The following SORCS3 variants were observed in gnomAD, a reference collection of about 807,000 sequenced individuals.
SORCS3 encodes the protein VPS10 domain-containing receptor SorCS3.
Under a neutral mutation model 146.3 loss-of-function variants are expected in SORCS3, and 57 were observed. The observed-to-expected ratio is 0.39, with a 90% CI of 0.31 to 0.49. SORCS3 has a LOEUF of 0.49. Among genes scored for constraint, SORCS3 ranks in the 20% least tolerant of loss-of-function variants. The probability of loss-of-function intolerance (pLI) is 0.92; values close to 1 mark genes in which losing one functional copy is unlikely to be tolerated. For synonymous variants in SORCS3, 653 were observed against 618.5 expected (o/e 1.06, Z -0.83); for missense variants, 1,341 against 1,575.5 (o/e 0.85, Z 2.52).
intron 4 of SORCS3, among the ~76,000 whole-genome samples, chr10:105,041,563 C>T (rs1290529861): frequency 1.3e-5 from 2 of 150,304 alleles, no homozygotes; most frequent in African/African-American, 2.5e-5. Context: ...CTCTACTAGA[C>T]AAAAATAGTT....
At chr10:105,161,156 A>G (rs1184835423) in intron 11 of SORCS3, among the ~76,000 whole-genome samples, 1 of 152,046 alleles carries the variant, frequency 6.6e-6, no homozygotes. Flanking sequence ...TCCCCTTGTA[A>G]TTCTTGAGGC....
At chr10:104,940,222 ATATATATATATATATATTTTTTTT>A (rs1393691712) in intron 3 of SORCS3, among the ~76,000 whole-genome samples, 2 of 17,022 alleles carry the variant, frequency 1.2e-4, no homozygotes, top group African/African-American at 3.0e-4. Context: ...ATATATATAT[ATATATATATATATATATTTTTTTT>A]TTTTTTTTTA....
intron 14 of SORCS3, among the ~76,000 whole-genome samples, chr10:105,186,688 G>A (rs1363095376): frequency 1.3e-5 from 2 of 151,900 alleles, no homozygotes; most frequent in Non-Finnish European, 2.9e-5. Context: ...TTTGAGACCA[G>A]CTTGACCAAC....
At chr10:105,187,844 A>G (rs1221712280) in intron 14 of SORCS3, among the ~76,000 whole-genome samples, 1 of 152,332 alleles carries the variant, frequency 6.6e-6, no homozygotes, top group East Asian at 1.9e-4. Flanking sequence ...CAAAATAGTC[A>G]GGGTCACTGT....
At chr10:104,890,197 T>C (rs551849710) in intron 2 of SORCS3, among the ~76,000 whole-genome samples, 2 of 152,278 alleles carry the variant, frequency 1.3e-5, no homozygotes, top group Admixed American at 6.5e-5. Context: ...TATCGACTTA[T>C]AGTTTTCACC....
chr10:104,735,964 A>C (rs544568186), intron 1 of SORCS3, among the ~76,000 whole-genome samples: 1 of 152,072 alleles, frequency 6.6e-6, no homozygotes, highest in South Asian at 2.1e-4. Context: ...AAATGTCTGA[A>C]TCTCTCCCTC....
intron 1 of SORCS3, among the ~76,000 whole-genome samples, chr10:104,798,566 G>C (rs2017585376): frequency 6.6e-6 from 1 of 152,172 alleles, no homozygotes; most frequent in South Asian, 2.1e-4. Flanking sequence ...CCTCTTATTT[G>C]TTGCTGGTGG....
chr10:104,913,407 A>T (rs1331865422), intron 2 of SORCS3, among the ~76,000 whole-genome samples: 1 of 152,226 alleles, frequency 6.6e-6, no homozygotes, highest in Non-Finnish European at 1.5e-5. Context: ...GCAAGGAGAA[A>T]GATTGGGAGT....
At chr10:104,874,321 T>G (rs2018548564) in intron 2 of SORCS3, among the ~76,000 whole-genome samples, 1 of 152,156 alleles carries the variant, frequency 6.6e-6, no homozygotes, top group African/African-American at 2.4e-5. Flanking sequence ...CTCTTCTACC[T>G]CCATTTTTCC....
chr10:104,776,684 C>A (rs1193096603), intron 1 of SORCS3, among the ~76,000 whole-genome samples: 1 of 151,972 alleles, frequency 6.6e-6, no homozygotes, highest in Admixed American at 6.6e-5. Context: ...AGACATACTG[C>A]ATGGCCCCCT....
At chr10:104,929,316 T>C (rs894057247) in intron 3 of SORCS3, among the ~76,000 whole-genome samples, 2 of 152,184 alleles carry the variant, frequency 1.3e-5, no homozygotes, top group Non-Finnish European at 2.9e-5. Flanking sequence ...CTCTTCGGCT[T>C]TCCCCCCTGC....
intron 4 of SORCS3, among the ~76,000 whole-genome samples, chr10:105,030,445 C>T (rs1389515741): frequency 6.6e-6 from 1 of 152,144 alleles, no homozygotes; most frequent in Non-Finnish European, 1.5e-5. Flanking sequence ...TCACAACATT[C>T]TGAGAGATTG....
intron 20 of SORCS3, among the ~76,000 whole-genome samples, chr10:105,233,470 A>G (rs917099425): frequency 6.6e-6 from 1 of 152,086 alleles, no homozygotes; most frequent in Non-Finnish European, 1.5e-5. Flanking sequence ...GGTTTGTTAC[A>G]TAGGTATACA....
At chr10:104,788,060 A>G (rs539890757) in intron 1 of SORCS3, among the ~76,000 whole-genome samples, 4 of 152,190 alleles carry the variant, frequency 2.6e-5, no homozygotes, top group Non-Finnish European at 5.9e-5. Flanking sequence ...CTTCTTCCAG[A>G]TTGGCCTAGA....
At chr10:105,042,091 A>T (rs2055342146) in intron 4 of SORCS3, among the ~76,000 whole-genome samples, 1 of 152,198 alleles carries the variant, frequency 6.6e-6, no homozygotes, top group Non-Finnish European at 1.5e-5. Context: ...ATGGCATTGT[A>T]AAACTACTGA....
Position 104,830,340 on chromosome 10 carries a change from G to C in SORCS3, c.628-12452G>C, listed in dbSNP as rs73336077. Among the ~76,000 whole-genome samples, 598 of 152,300 alleles carry C rather than the reference G, an allele frequency of 3.9e-3. 4 individuals carry two copies. Among genetic ancestry groups the C allele is most frequent in the African/African-American group, 0.014 (573 of 41,558 alleles). On this transcript the variant is annotated intron_variant, in intron 1 of 26. Coordinates refer to ENST00000369701, the MANE Select transcript of SORCS3 (RefSeq NM_014978.3). Reference sequence around the variant, plus strand: ...AAGAGCAAGAAAGAGGAAAGGCAAGGCTGCTCAAAGATCGGTCACTGCAGG... The same window carrying C: ...AAGAGCAAGAAAGAGGAAAGGCAAGCCTGCTCAAAGATCGGTCACTGCAGG...
intron 1 of SORCS3, among the ~76,000 whole-genome samples, chr10:104,670,719 C>T (rs1361411113): frequency 1.3e-5 from 2 of 152,144 alleles, no homozygotes; most frequent in East Asian, 3.9e-4. Flanking sequence ...CTGCAAAAAA[C>T]ATCATTGGGA....
chr10:104,973,125 A>G (rs1322801368), intron 3 of SORCS3, among the ~76,000 whole-genome samples: 3 of 152,092 alleles, frequency 2.0e-5, no homozygotes, highest in Non-Finnish European at 2.9e-5. Context: ...TTTTGCATCA[A>G]TGTTCATCAA....
intron 1 of SORCS3, among the ~76,000 whole-genome samples, chr10:104,690,757 C>A (rs2016101215): frequency 6.6e-6 from 1 of 152,178 alleles, no homozygotes; most frequent in Non-Finnish European, 1.5e-5. Context: ...AGGCATTCTC[C>A]TATGGATCCG....
Sources: gnomAD v4.1 joint callset for allele counts (sites outside exome capture counted in the v4.1 genomes callset) on GRCh38, gnomAD v4.1.1 for gene constraint, MANE v1.5 for transcripts, NCBI Gene and HGNC (gene_info 2026-07-23, HGNC 2026-07-21) for gene names.